Variants in FBLN7 observed in about 807,000 individuals in gnomAD.
FBLN7 encodes fibulin-7.
FBLN7 carries 31 observed loss-of-function variants against 44.0 expected under a neutral mutation model. The ratio of observed to expected loss-of-function variants is 0.70; its 90% CI spans 0.53 to 0.95. The LOEUF (loss-of-function observed/expected upper bound fraction) is 0.95, where lower values mean the gene tolerates loss of function less well. Ranked by LOEUF, FBLN7 falls within the 40% of genes least tolerant of loss-of-function variation. The pLI is 0.00. For synonymous variants in FBLN7, 262 were observed against 253.4 expected, an observed-to-expected ratio of 1.03 and a Z score of -0.32; for missense variants, 573 against 618.5, an observed-to-expected ratio of 0.93 and a Z score of 0.78.
the FBLN7 span, chr2:112,234,362 A>G: frequency 1.2e-5 from 8 of 677,708 alleles, no homozygotes; most frequent in South Asian, 2.1e-5. Context: ...TGGCCTTCAT[A>G]TGTAAAATTT....
chr2:112,208,952 G>C, the FBLN7 span, among the ~76,000 whole-genome samples: 1 of 152,022 alleles, frequency 6.6e-6, no homozygotes, highest in Non-Finnish European at 1.5e-5. Flanking sequence ...ATGATGATGT[G>C]GCATTTGATT....
chr2:112,142,118 C>T (rs748097891), intron 1 of FBLN7, among the ~76,000 whole-genome samples: 1 of 152,184 alleles, frequency 6.6e-6, no homozygotes, highest in Non-Finnish European at 1.5e-5. Flanking sequence ...CTCCCCTTCT[C>T]CACCCTCAAC....
At chr2:112,194,403 C>T in the FBLN7 span, among the ~76,000 whole-genome samples, 1 of 152,182 alleles carries the variant, frequency 6.6e-6, no homozygotes, top group Non-Finnish European at 1.5e-5. Flanking sequence ...CCTCATATCT[C>T]TCCTTGGGCA....
the FBLN7 span, among the ~76,000 whole-genome samples, chr2:112,221,812 T>C: frequency 6.6e-6 from 1 of 152,182 alleles, no homozygotes; most frequent in East Asian, 1.9e-4. Flanking sequence ...GACTATCTCC[T>C]GTATGTCATT....
chr2:112,190,512 C>T (rs1025140168), downstream of FBLN7: 5 of 152,114 alleles, frequency 3.3e-5, no homozygotes, highest in Non-Finnish European at 2.9e-5. Flanking sequence ...TTCCAACATG[C>T]CCTGTGAGAG....
chr2:112,187,707 C>T lies in FBLN7; in HGVS notation c.*201C>T, dbSNP rs75368443. ...ACAAAACTCAACTGCTGCCATCACT[C>T]TTTTTTTTTTTCTGCTTTGAGGCCC... On this transcript the variant is annotated 3_prime_UTR_variant, in exon 8 of 8. Coordinates refer to ENST00000331203, the MANE Select transcript of FBLN7 (RefSeq NM_153214.3). The surrounding 1 kb of genome is among the most constrained non-coding windows in gnomAD (Gnocchi z 5.1). The T allele has an allele frequency of 4.1e-6, 2 of 491,586 alleles. No homozygotes were observed. Among genetic ancestry groups the T allele is most frequent in the Non-Finnish European group, 3.5e-6 (1 of 288,300 alleles). 30.5% of individuals were successfully genotyped at this position (491,586 alleles called of 1,614,324 possible). A position where few individuals can be genotyped will look rare whatever the true frequency, so the allele number is the denominator to read the frequency against.
intron 3 of FBLN7, among the ~76,000 whole-genome samples, chr2:112,171,461 C>T (rs930556303): frequency 2.0e-5 from 3 of 151,910 alleles, no homozygotes; most frequent in African/African-American, 7.3e-5. Flanking sequence ...GAGCTTCAGT[C>T]CACCTCACCT....
chr2:112,204,299 G>T, the FBLN7 span, among the ~76,000 whole-genome samples: 1 of 151,036 alleles, frequency 6.6e-6, no homozygotes, highest in Non-Finnish European at 1.5e-5. Flanking sequence ...AAAACTATCT[G>T]AGCCTTAGAT....
At chr2:112,237,503 G>A in the FBLN7 span, among the ~76,000 whole-genome samples, 8 of 151,826 alleles carry the variant, frequency 5.3e-5, no homozygotes, top group Non-Finnish European at 7.4e-5. Context: ...CTGGAGCCTC[G>A]AACTCCTGGG....
Position 112,165,175 on chromosome 2 carries a change from T to C in FBLN7, c.406+4T>C. ...GGGGAGCAGCCCCACTGTAGAGGTA[T>C]CGTCTCTCCTTCCCATCCCACTGCG... On this transcript the variant is annotated splice_donor_region_variant and intron_variant, in intron 3 of 7. Transcript: ENST00000331203. 6 of 1,613,774 alleles carry C rather than the reference T, an allele frequency of 3.7e-6. No individual in the cohort carries two copies. The highest frequency in any genetic ancestry group is 3.4e-6 in the Non-Finnish European group (4 of 1,179,788).
intron 1 of FBLN7, among the ~76,000 whole-genome samples, chr2:112,143,297 C>CAAT (rs1680742135): frequency 6.6e-6 from 1 of 152,158 alleles, no homozygotes; most frequent in African/African-American, 2.4e-5. Context: ...AAATATCTAA[C>CAAT]CATCATCTCG....
At position 112,165,074 on chromosome 2, in the gene FBLN7, C is replaced by A. The variant is rs1278901992; in HGVS notation, c.309C>A (p.Val103=). 6.2e-7 allele frequency: 1 copy of A among 1,614,208 alleles called. No individual in the cohort carries two copies. The highest frequency in any genetic ancestry group is 1.3e-5 in the African/African-American group (1 of 75,042). ...GCAAGTACTTAGTGGATCACGAAGT[C>A]CATTTTACCTGCAACCCTGGGTTCC... The part of the protein sequence containing the change: ...FGSKYLVDHE[V]HFTCNPGFRL... The change falls in exon 3 of 8, where the codon GTC becomes GTA. Residue 103 remains valine, a synonymous_variant. Transcript: ENST00000331203.
chr2:112,157,611 C>T (rs1681498168), intron 1 of FBLN7, among the ~76,000 whole-genome samples: 1 of 152,094 alleles, frequency 6.6e-6, no homozygotes, highest in Admixed American at 6.6e-5. Flanking sequence ...CATGTCCTGG[C>T]TCTTTTTCTT....
chr2:112,207,023 G>A, the FBLN7 span, among the ~76,000 whole-genome samples: 1 of 152,182 alleles, frequency 6.6e-6, no homozygotes. Flanking sequence ...GTGAGCCACT[G>A]TGTTCAGCTT....
chr2:112,181,181 C>T (rs894690315), intron 4 of FBLN7, among the ~76,000 whole-genome samples: 1 of 151,850 alleles, frequency 6.6e-6, no homozygotes, highest in Non-Finnish European at 1.5e-5. Context: ...ACTGGGTCTA[C>T]TTGAGGGGTT....
chr2:112,149,974 A>G (rs1355946072), intron 1 of FBLN7, among the ~76,000 whole-genome samples: 5 of 152,208 alleles, frequency 3.3e-5, no homozygotes, highest in African/African-American at 1.2e-4. Context: ...CTGGGTGCCT[A>G]AGTACTAAGA....
chr2:112,165,326 C>T (rs1682094824), intron 3 of FBLN7, among the ~76,000 whole-genome samples, 155 bp downstream of exon 3: 1 of 152,240 alleles, frequency 6.6e-6, no homozygotes, highest in African/African-American at 2.4e-5. Flanking sequence ...GATCACTCAC[C>T]TCCATGCCAG....
the FBLN7 span, among the ~76,000 whole-genome samples, chr2:112,229,549 T>C: frequency 3.9e-5 from 6 of 152,206 alleles, no homozygotes; most frequent in African/African-American, 1.4e-4. Flanking sequence ...ATGCCCTAGC[T>C]AGCCCACTGG....
chr2:112,169,811 G>C (rs1021529262), intron 3 of FBLN7, among the ~76,000 whole-genome samples: 7 of 152,180 alleles, frequency 4.6e-5, no homozygotes, highest in African/African-American at 1.7e-4. Context: ...ACAAGGGACA[G>C]AGTAAACAGC....
Sources: allele counts gnomAD v4.1 joint callset (sites outside exome capture counted in the v4.1 genomes callset), GRCh38; gene constraint gnomAD v4.1.1; non-coding constraint Gnocchi (gnomAD v3.1); transcripts MANE v1.5; gene names NCBI Gene and HGNC (gene_info 2026-07-23, HGNC 2026-07-21).